Variants in WNT4 observed in about 807,000 individuals in gnomAD.
WNT4 encodes Wnt family member 4, also known as protein Wnt-4.
WNT4 carries 16 observed loss-of-function variants against 34.5 expected under a neutral mutation model. The ratio of observed to expected loss-of-function variants is 0.46; its 90% CI spans 0.31 to 0.70. WNT4 has a LOEUF of 0.70. Among genes scored for constraint, WNT4 ranks in the 30% least tolerant of loss-of-function variants. The pLI is 0.04. For synonymous variants in WNT4, 200 were observed against 211.9 expected (o/e 0.94, Z 0.49); for missense variants, 379 against 495.9 (o/e 0.76, Z 2.24).
In WNT4 at chr1:22,121,030, G is replaced by A. The variant is rs10753529; in HGVS notation, c.588+181C>T. ...GGGGCCACTTACCCCATTCTGTAACGCCTGCCTGCCTGTCTGTACCCCCCT... is the reference window on the plus strand; with the variant it reads ...GGGGCCACTTACCCCATTCTGTAACACCTGCCTGCCTGTCTGTACCCCCCT... On this transcript the variant is annotated intron_variant, in intron 4 of 4. Transcript: ENST00000290167. Among the ~76,000 whole-genome samples, 142,542 of 152,106 alleles carry A rather than the reference G, an allele frequency of 0.94. 66,929 individuals are homozygous for A. Among genetic ancestry groups the A allele is most frequent in the East Asian group, 1 (5,153 of 5,156 alleles).
intron 2 of WNT4, among the ~76,000 whole-genome samples, chr1:22,124,495 G>A (rs894642696): frequency 6.6e-6 from 1 of 152,104 alleles, no homozygotes; most frequent in Admixed American, 6.5e-5. Context: ...CAGTTAACCC[G>A]TAAATCCACT....
chr1:22,142,909 G>A lies in WNT4; in HGVS notation c.14C>T (p.Ser5Leu). The change falls in exon 1 of 5, where the codon TCG (serine) becomes TTG (leucine). Residue 5 changes from serine to leucine, a missense_variant. Physicochemically the swap from Ser to Leu is moderately radical, Grantham distance 145. Transcript: ENST00000290167. This position sits in a 1 kb window ranked among gnomAD's most constrained non-coding sequence, Gnocchi z 6.0. MSPR[S>L]CLRSLRLLVF... Reference sequence around the variant, plus strand: ...GAGGAGGCGCAGCGAACGCAGGCACGAGCGGGGACTCATGGTGCCGCCGCG... The same window carrying A: ...GAGGAGGCGCAGCGAACGCAGGCACAAGCGGGGACTCATGGTGCCGCCGCG... 3.4e-6 allele frequency: 4 copies of A among 1,187,208 alleles called. No homozygotes were observed. Among genetic ancestry groups the A allele is most frequent in the Non-Finnish European group, 3.2e-6 (3 of 932,576 alleles). The allele number at this position is 1,187,208 out of a possible 1,614,324, so 73.5% of individuals were successfully genotyped here.
chr1:22,136,759 A>T (rs983768588), intron 1 of WNT4, among the ~76,000 whole-genome samples: 1 of 152,172 alleles, frequency 6.6e-6, no homozygotes, highest in East Asian at 1.9e-4. Context: ...GAAGTGCTCG[A>T]CATGTTTGCC....
chr1:22,121,717 C>A, intron 2 of WNT4, 141 bp from the exon 3 acceptor site: 1 of 1,328,844 alleles, frequency 7.5e-7, no homozygotes, highest in African/African-American at 1.5e-5. Context: ...ATGTGCTAGG[C>A]ACCCCACGGC....
At chr1:22,122,139 C>T (rs1310404249) in intron 2 of WNT4, among the ~76,000 whole-genome samples, 2 of 152,228 alleles carry the variant, frequency 1.3e-5, no homozygotes, top group Non-Finnish European at 2.9e-5. Flanking sequence ...GCCCCTTCCT[C>T]TGAGACTGGG....
At chr1:22,132,921 A>T (rs1645995305) in intron 1 of WNT4, among the ~76,000 whole-genome samples, 1 of 152,140 alleles carries the variant, frequency 6.6e-6, no homozygotes, top group African/African-American at 2.4e-5. Context: ...GGAACCGGGC[A>T]CCGGCTCTAG....
chr1:22,122,956 G>C (rs545416025), intron 2 of WNT4, among the ~76,000 whole-genome samples: 1 of 152,326 alleles, frequency 6.6e-6, no homozygotes, highest in South Asian at 2.1e-4. Context: ...TGGCCATTTT[G>C]GGTCAGCACT....
chr1:22,136,314 C>T (rs147525980), intron 1 of WNT4, among the ~76,000 whole-genome samples: 55 of 152,312 alleles, frequency 3.6e-4, no homozygotes, highest in African/African-American at 1.3e-3. Flanking sequence ...CTTTGCTAGA[C>T]CCATCCGACC....
In WNT4 at chr1:22,129,747, A is replaced by G. The variant is rs1317114805; in HGVS notation, c.182T>C (p.Leu61Pro). The G allele has an allele frequency of 1.2e-6, 2 of 1,613,926 alleles. No homozygotes were observed. Among genetic ancestry groups the G allele is most frequent in the South Asian group, 2.2e-5 (2 of 91,068 alleles). The change falls in exon 2 of 5, where the codon CTG becomes CCG. Residue 61 changes from leucine to proline, a missense_variant. Leu to Pro is a moderately conservative substitution (Grantham distance 98). Around this residue, in one of 2 missense-constraint regions of WNT4, gnomAD observed 313 missense variants for 445.8 expected, o/e 0.70. Coordinates refer to ENST00000290167, the MANE Select transcript of WNT4 (RefSeq NM_030761.5). ...QRQVQMCKRN[L>P]EVMDSVRRGA... ...GCGGCGCACCGAGTCCATGACTTCC[A>G]GGTTCCGCTTGCACATCTGCACCTG...
intron 2 of WNT4, among the ~76,000 whole-genome samples, chr1:22,128,301 C>G (rs559839530): frequency 6.6e-6 from 1 of 152,350 alleles, no homozygotes; most frequent in East Asian, 1.9e-4. Context: ...GCCCAGGCAA[C>G]CCCTTCCTGC....
intron 1 of WNT4, among the ~76,000 whole-genome samples, chr1:22,136,695 C>G (rs1646025065): frequency 6.6e-6 from 1 of 152,204 alleles, no homozygotes; most frequent in African/African-American, 2.4e-5. Flanking sequence ...AGTCCTGGTT[C>G]TACCACCGCC....
At chr1:22,126,327 A>G (rs563783854) in intron 2 of WNT4, among the ~76,000 whole-genome samples, 1 of 152,292 alleles carries the variant, frequency 6.6e-6, no homozygotes, top group Admixed American at 6.5e-5. Flanking sequence ...CTTCCTAGGC[A>G]TCATCTCTCT....
intron 1 of WNT4, among the ~76,000 whole-genome samples, chr1:22,141,996 T>A (rs771682115): frequency 6.6e-6 from 1 of 152,204 alleles, no homozygotes; most frequent in Non-Finnish European, 1.5e-5. Flanking sequence ...GAACTGTCCC[T>A]GAGCGGGGAT....
rs139452183 is a variant in WNT4, at chr1:22,136,069, T to C, written c.78-6218A>G. Among the ~76,000 whole-genome samples, 99 of 152,224 alleles carry C rather than the reference T, an allele frequency of 6.5e-4. No homozygotes were observed. In the East Asian group the frequency reaches 0.018, roughly 27 times the overall value. On this transcript the variant is annotated intron_variant, in intron 1 of 4. Transcript: ENST00000290167. Reference sequence around the variant, plus strand: ...GGGCTCTGTGTCCCCCACTTCCTGTTTGGGAGCCCCCAACCCCATTTCCCA... The same window carrying C: ...GGGCTCTGTGTCCCCCACTTCCTGTCTGGGAGCCCCCAACCCCATTTCCCA...
intron 1 of WNT4, among the ~76,000 whole-genome samples, chr1:22,135,866 G>A (rs1285101395): frequency 4.6e-5 from 7 of 152,092 alleles, no homozygotes; most frequent in Admixed American, 1.3e-4. Flanking sequence ...GGCCTCCACC[G>A]CCAGTGCACA....
At chr1:22,132,471 A>G (rs1645991643) in intron 1 of WNT4, among the ~76,000 whole-genome samples, 2 of 152,116 alleles carry the variant, frequency 1.3e-5, no homozygotes, top group Admixed American at 1.3e-4. Context: ...GTGGGTCCAT[A>G]TGGCCTTTCC....
At chr1:22,126,918 C>T (rs545367404) in intron 2 of WNT4, 1 of 253,036 alleles carries the variant, frequency 4.0e-6, no homozygotes, top group African/African-American at 2.3e-5. Context: ...CATCCTCGGC[C>T]TCACCCTTCC....
At chr1:22,130,150 G>C (rs529462065) in intron 1 of WNT4, among the ~76,000 whole-genome samples, 1 of 152,274 alleles carries the variant, frequency 6.6e-6, no homozygotes, top group East Asian at 1.9e-4. Flanking sequence ...GGCAGCCCCC[G>C]TGCCACTGTC....
At chr1:22,127,250 C>T in intron 2 of WNT4, 1 of 501,672 alleles carries the variant, frequency 2.0e-6, no homozygotes, top group South Asian at 1.5e-5. Context: ...AGGTACCACC[C>T]AGGCCTAGTA....
Sources: allele counts gnomAD v4.1 joint callset (sites outside exome capture counted in the v4.1 genomes callset), GRCh38; gene constraint gnomAD v4.1.1; regional missense constraint gnomAD v4.1.1; non-coding constraint Gnocchi (gnomAD v3.1); transcripts MANE v1.5; gene names NCBI Gene and HGNC (gene_info 2026-07-23, HGNC 2026-07-21).